Variants in NPRL3 observed in about 807,000 individuals in gnomAD.
NPRL3 encodes the protein NPR3 like, GATOR1 complex subunit.
A neutral mutation model predicts 57.2 loss-of-function variants in NPRL3; 23 were observed. That is an observed-to-expected ratio of 0.40 (90% CI 0.29 to 0.57). The LOEUF (loss-of-function observed/expected upper bound fraction) is 0.57. NPRL3 is among the 20% of genes least tolerant of loss of function. NPRL3 has a pLI of 0.42. For synonymous variants in NPRL3, 333 were observed against 321.1 expected (o/e 1.04, Z -0.39); for missense variants, 691 against 767.1 (o/e 0.90, Z 1.17).
At chr16:117,449 G>C in intron 4 of NPRL3, 74 bp from the exon 5 acceptor site, 1 of 1,087,566 alleles carries the variant, frequency 9.2e-7, no homozygotes, top group Non-Finnish European at 1.4e-6. Context: ...TTCTACTTCA[G>C]GCATGGCAAA....
At chr16:127,235 ATTTTTT>A (rs35559832) in intron 3 of NPRL3, 82 of 99,844 alleles carry the variant, frequency 8.2e-4, no homozygotes, top group African/African-American at 3.0e-3. Context: ...GCACTGTCCA[ATTTTTT>A]TTTTTTTTTT....
At chr16:115,018 C>T (rs1899969689) in intron 5 of NPRL3, among the ~76,000 whole-genome samples, 1 of 151,550 alleles carries the variant, frequency 6.6e-6, no homozygotes, top group African/African-American at 2.4e-5. Context: ...CTCTCTTGCC[C>T]AAGCTGGAGT....
chr16:118,979 GC>G, intron 4 of NPRL3, 146 bp downstream of exon 4: 1 of 1,206,362 alleles, frequency 8.3e-7, no homozygotes, highest in Non-Finnish European at 1.2e-6. Context: ...CCCAGGGGGA[GC>G]CCCACCTGCC....
chr16:134,303 T>A (rs930058755), intron 2 of NPRL3, among the ~76,000 whole-genome samples: 4 of 152,032 alleles, frequency 2.6e-5, no homozygotes, highest in African/African-American at 9.7e-5. Context: ...ATAAAAAAAA[T>A]TTAAATGTAC....
At chr16:96,810 C>T (rs547631163) in intron 9 of NPRL3, among the ~76,000 whole-genome samples, 2 of 152,060 alleles carry the variant, frequency 1.3e-5, no homozygotes, top group Non-Finnish European at 2.9e-5. Flanking sequence ...AATACAAGGG[C>T]ACAATTTGGT....
intron 13 of NPRL3, among the ~76,000 whole-genome samples, chr16:87,390 C>T (rs896380165): frequency 6.6e-6 from 1 of 152,044 alleles, no homozygotes; most frequent in Admixed American, 6.6e-5. Context: ...TGCGCTACCA[C>T]ACCTGGCTAA....
At chr16:88,466 G>A (rs1437812024) in intron 13 of NPRL3, among the ~76,000 whole-genome samples, 1 of 151,938 alleles carries the variant, frequency 6.6e-6, no homozygotes, top group Non-Finnish European at 1.5e-5. Flanking sequence ...GGAGAGAGAA[G>A]AGTCCGAAAA....
At chr16:113,763 C>T (rs1243953800) in intron 5 of NPRL3, among the ~76,000 whole-genome samples, 1 of 152,156 alleles carries the variant, frequency 6.6e-6, no homozygotes, top group Non-Finnish European at 1.5e-5. Flanking sequence ...GAGGGAAGGC[C>T]ATGCCCAAAG....
chr16:125,138 C>T (rs973343028), intron 3 of NPRL3: 2 of 154,932 alleles, frequency 1.3e-5, no homozygotes, highest in African/African-American at 4.9e-5. Flanking sequence ...CTGGGACACA[C>T]TGCTTTCCAT....
intron 2 of NPRL3, among the ~76,000 whole-genome samples, chr16:136,778 C>T (rs1901108574): frequency 6.6e-6 from 1 of 151,702 alleles, no homozygotes; most frequent in Admixed American, 6.6e-5. Flanking sequence ...CAGTAGTTAC[C>T]CCTATGATGG....
intron 4 of NPRL3, among the ~76,000 whole-genome samples, chr16:117,594 G>A (rs913089518): frequency 2.6e-5 from 4 of 152,258 alleles, no homozygotes; most frequent in Middle Eastern, 3.4e-3. Context: ...TCGCCCCCCC[G>A]CTAACAGAAG....
At chr16:92,569 T>G in intron 11 of NPRL3, 27 bp downstream of exon 11, 6 of 1,610,038 alleles carry the variant, frequency 3.7e-6, no homozygotes, top group Non-Finnish European at 5.1e-6. Flanking sequence ...CCTGCCACTC[T>G]GGGCTCCTTG....
intron 7 of NPRL3, among the ~76,000 whole-genome samples, chr16:101,169 G>C (rs1043412125): frequency 6.6e-6 from 1 of 152,094 alleles, no homozygotes; most frequent in African/African-American, 2.4e-5. Flanking sequence ...CCAACACCCA[G>C]AGTACATCCT....
Position 86,869 on chromosome 16 carries a change from G to A in NPRL3, c.1546C>T (p.Leu516Phe). ...NPEDLRMFAR[L>F]LHYFRGRHHL... ...TGGCGGCCGCGGAAGTAGTGAAGGA[G>A]CCTGGAAGGGATGGGTGGGTGTGAG... Residue 516 changes from leucine (L) to phenylalanine (F), a missense_variant and splice_region_variant, in exon 14 of 14, where the codon CTC becomes TTC. Coordinates refer to ENST00000611875, the MANE Select transcript of NPRL3 (RefSeq NM_001077350.3). 6.2e-7 allele frequency: 1 copy of A among 1,612,472 alleles called. No homozygotes were observed. Among genetic ancestry groups the A allele is most frequent in the African/African-American group, 1.3e-5 (1 of 75,062 alleles).
intron 9 of NPRL3, among the ~76,000 whole-genome samples, chr16:95,350 T>TACACACACAC (rs142854412): frequency 5.4e-5 from 6 of 110,982 alleles, no homozygotes; most frequent in African/African-American, 1.8e-4. Context: ...TATATATATA[T>TACACACACAC]ACACACACAC....
intron 5 of NPRL3, among the ~76,000 whole-genome samples, chr16:114,247 C>T (rs977284923): frequency 6.6e-6 from 1 of 152,176 alleles, no homozygotes; most frequent in South Asian, 2.1e-4. Context: ...CCCAGTGACG[C>T]TCAGTGACCT....
At chr16:95,348 TATACACACACACAC>T (rs1364427133) in intron 9 of NPRL3, among the ~76,000 whole-genome samples, 1 of 45,008 alleles carries the variant, frequency 2.2e-5, no homozygotes, top group African/African-American at 4.9e-5. Flanking sequence ...TATATATATA[TATACACACACACAC>T]ACACACACAC....
At chr16:112,884 G>C in intron 5 of NPRL3, 109 bp from the exon 6 acceptor site, 85 of 1,061,792 alleles carry the variant, frequency 8.0e-5, no homozygotes, top group East Asian at 5.8e-5. Context: ...AACCATGAAA[G>C]AAAGCGTCTC....
chr16:124,063 C>A (rs1165514943), intron 3 of NPRL3, among the ~76,000 whole-genome samples: 1 of 145,920 alleles, frequency 6.9e-6, no homozygotes, highest in African/African-American at 2.6e-5. Context: ...CGCTGAGAAA[C>A]AGGATCACAC....
Sources: gnomAD v4.1 joint callset for allele counts (sites outside exome capture counted in the v4.1 genomes callset) on GRCh38, gnomAD v4.1.1 for gene constraint, MANE v1.5 for transcripts, NCBI Gene and HGNC (gene_info 2026-07-23, HGNC 2026-07-21) for gene names.